The following APBB1IP variants were observed in gnomAD, a reference collection of about 807,000 sequenced individuals.
APBB1IP encodes amyloid beta precursor protein binding family B member 1 interacting protein.
Under a neutral mutation model 64.9 loss-of-function variants are expected in APBB1IP, and 27 were observed. The observed-to-expected ratio is 0.42, with a 90% CI of 0.31 to 0.57. APBB1IP has a LOEUF of 0.57. Among genes scored for constraint, APBB1IP ranks in the 20% least tolerant of loss-of-function variants. APBB1IP has a pLI of 0.20. For missense variants in APBB1IP, 812 were observed against 845.5 expected, an observed-to-expected ratio of 0.96 and a Z score of 0.49; for synonymous variants, 392 against 331.0, an observed-to-expected ratio of 1.18 and a Z score of -2.00.
intron 2 of APBB1IP, among the ~76,000 whole-genome samples, chr10:26,479,650 T>C (rs903636444): frequency 2.6e-5 from 4 of 152,240 alleles, no homozygotes; most frequent in Non-Finnish European, 4.4e-5. Context: ...AAAAGCAACA[T>C]TGTAATCTTT....
rs1564365715 is a variant in APBB1IP at position 26,513,563 on chromosome 10, ATGT to A, written c.722_724del (p.Val241del). ...GAGAGGTTTTTTGAAGACCATGAAAATGTTGTTGAAGTCTTATCAGACTGGACA... is the reference window on the plus strand; with the variant it reads ...GAGAGGTTTTTTGAAGACCATGAAAATGTTGAAGTCTTATCAGACTGGACA... On this transcript the variant is annotated inframe_deletion, in exon 8 of 15. Transcript: ENST00000376236. The A allele has an allele frequency of 1.9e-6, 3 of 1,612,048 alleles. No individual in the cohort carries two copies. Among genetic ancestry groups the A allele is most frequent in the Non-Finnish European group, 2.5e-6 (3 of 1,179,580 alleles).
At chr10:26,466,347 C>T (rs777236385) in intron 2 of APBB1IP, among the ~76,000 whole-genome samples, 2 of 152,072 alleles carry the variant, frequency 1.3e-5, no homozygotes, top group Non-Finnish European at 2.9e-5. Context: ...AAGTTCAAGG[C>T]GATGGGACAC....
intron 14 of APBB1IP, among the ~76,000 whole-genome samples, chr10:26,565,124 A>G (rs189586594): frequency 2.2e-4 from 34 of 152,124 alleles, no homozygotes; most frequent in African/African-American, 7.2e-4. Context: ...ATTTCCATTC[A>G]CTCTTCCCTT....
At chr10:26,472,780 T>C (rs1310143604) in intron 2 of APBB1IP, among the ~76,000 whole-genome samples, 1 of 151,884 alleles carries the variant, frequency 6.6e-6, no homozygotes, top group Non-Finnish European at 1.5e-5. Context: ...CTACTAAAAA[T>C]ACAAAAATTA....
intron 8 of APBB1IP, among the ~76,000 whole-genome samples, chr10:26,526,201 A>G (rs1588603855): frequency 6.6e-6 from 1 of 152,226 alleles, no homozygotes; most frequent in East Asian, 1.9e-4. Context: ...AACGTAAGCC[A>G]TTCTTATTGC....
chr10:26,513,054 T>C (rs1836280369), intron 7 of APBB1IP, among the ~76,000 whole-genome samples: 1 of 152,258 alleles, frequency 6.6e-6, no homozygotes, highest in Non-Finnish European at 1.5e-5. Flanking sequence ...AGTCATTGAC[T>C]GATTGTCCAC....
intron 11 of APBB1IP, among the ~76,000 whole-genome samples, chr10:26,552,799 C>T (rs940081547): frequency 1.3e-5 from 2 of 152,190 alleles, no homozygotes; most frequent in Admixed American, 1.3e-4. Flanking sequence ...TCTGGAACCA[C>T]ATCGTCAGCC....
chr10:26,559,984 G>A, intron 11 of APBB1IP, 121 bp from the exon 12 acceptor site: 1 of 768,284 alleles, frequency 1.3e-6, no homozygotes, highest in Non-Finnish European at 2.2e-6. Flanking sequence ...ATTACAACCA[G>A]TAATTTTTGC....
rs1164039719 is a variant in APBB1IP at position 26,567,192 on chromosome 10, C to T, written c.1705C>T (p.Pro569Ser). ...GCCGCCCCTCGATGACCCTGAGCTC[C>T]CGCCGCCGCCCCCGGACTTCATGGA... is the stretch of plus-strand genomic sequence containing the variant. Reference protein sequence around the residue: ...PPPPLDDPELPPPPPDFMEPP... With the variant: ...PPPPLDDPELSPPPPDFMEPP... The change falls in exon 15 of 15, where the codon CCG (proline) becomes TCG (serine). Residue 569 changes from proline (P) to serine (S), a missense_variant. By Grantham distance (74) the Pro-to-Ser change is moderately conservative. Around this residue, in one of 3 missense-constraint regions of APBB1IP, gnomAD observed 381 missense variants for 352.1 expected, o/e 1.08. Coordinates refer to ENST00000376236, the MANE Select transcript of APBB1IP (RefSeq NM_019043.4). The T allele has an allele frequency of 2.8e-6, 4 of 1,403,724 alleles. No individual in the cohort carries two copies. Among genetic ancestry groups the T allele is most frequent in the East Asian group, 6.7e-5 (2 of 30,056 alleles). The allele number at this position is 1,403,724 out of a possible 1,614,324, so 87.0% of individuals were successfully genotyped here.
chr10:26,458,479 G>A (rs1252604772), intron 2 of APBB1IP, among the ~76,000 whole-genome samples: 4 of 152,024 alleles, frequency 2.6e-5, no homozygotes, highest in Admixed American at 2.6e-4. Flanking sequence ...AGTTTTTCTG[G>A]AAAGATCCAT....
intron 8 of APBB1IP, among the ~76,000 whole-genome samples, chr10:26,518,617 G>A (rs1836362702): frequency 6.6e-6 from 1 of 152,130 alleles, no homozygotes; most frequent in Non-Finnish European, 1.5e-5. Context: ...CCATTCTAGG[G>A]GTTTGTAGTG....
chr10:26,476,806 A>T (rs1030134836), intron 2 of APBB1IP, among the ~76,000 whole-genome samples: 1 of 151,900 alleles, frequency 6.6e-6, no homozygotes, highest in Non-Finnish European at 1.5e-5. Flanking sequence ...ATTTTTATTT[A>T]TTTATTCTTT....
chr10:26,529,899 C>T (rs1040773859), intron 8 of APBB1IP, among the ~76,000 whole-genome samples: 1 of 152,152 alleles, frequency 6.6e-6, no homozygotes, highest in African/African-American at 2.4e-5. Flanking sequence ...CCTTGGCCAC[C>T]CAAAGTACTG....
intron 2 of APBB1IP, among the ~76,000 whole-genome samples, chr10:26,443,487 G>C (rs1207708443): frequency 2.0e-5 from 3 of 151,544 alleles, no homozygotes; most frequent in Non-Finnish European, 2.9e-5. Flanking sequence ...ATAAATAAAG[G>C]AGGCAAAAGA....
chr10:26,463,786 T>C (rs1217716747), intron 2 of APBB1IP, among the ~76,000 whole-genome samples: 1 of 152,192 alleles, frequency 6.6e-6, no homozygotes, highest in African/African-American at 2.4e-5. Flanking sequence ...TGCAGGTTTG[T>C]TACATATGTA....
At chr10:26,444,305 G>A (rs1835368734) in intron 2 of APBB1IP, among the ~76,000 whole-genome samples, 1 of 152,142 alleles carries the variant, frequency 6.6e-6, no homozygotes, top group South Asian at 2.1e-4. Flanking sequence ...GGTTCCAGAG[G>A]CCATTATAAA....
chr10:26,500,276 GT>G (rs1012526502), intron 4 of APBB1IP, among the ~76,000 whole-genome samples: 8 of 151,704 alleles, frequency 5.3e-5, no homozygotes, highest in Non-Finnish European at 8.8e-5. Context: ...TGAATATGAA[GT>G]TTTCTACAGT....
At position 26,566,934 on chromosome 10, in the gene APBB1IP, A is replaced by T. The variant is rs771977420; in HGVS notation, c.1474-27A>T. 2.6e-6 allele frequency: 4 copies of T among 1,541,224 alleles called. No individual in the cohort carries two copies. In the South Asian group the frequency reaches 3.6e-5, roughly 14 times the overall value. ...TAAAATTTCAAAAATTAAAAAAAAAATGAATGCTACTGCCACTCGGTTGCA... is the reference window on the plus strand; with the variant it reads ...TAAAATTTCAAAAATTAAAAAAAAATTGAATGCTACTGCCACTCGGTTGCA... On this transcript the variant is annotated intron_variant, in intron 14 of 14. Transcript: ENST00000376236.
At chr10:26,552,208 G>C (rs1588616875) in intron 11 of APBB1IP, among the ~76,000 whole-genome samples, 1 of 152,198 alleles carries the variant, frequency 6.6e-6, no homozygotes, top group Admixed American at 6.5e-5. Flanking sequence ...GTCTGAGGCA[G>C]GAGGATCCCT....
Sources: allele counts gnomAD v4.1 joint callset (sites outside exome capture counted in the v4.1 genomes callset), GRCh38; gene constraint gnomAD v4.1.1; regional missense constraint gnomAD v4.1.1; transcripts MANE v1.5; gene names NCBI Gene and HGNC (gene_info 2026-07-23, HGNC 2026-07-21).